RBM25: variants seen among roughly 807,000 people sequenced by gnomAD.
RBM25 encodes RNA binding motif protein 25.
RBM25 carries 19 observed loss-of-function variants against 120.7 expected under a neutral mutation model. The observed-to-expected ratio is 0.16, with a 90% CI of 0.11 to 0.23. The LOEUF is 0.23. Among genes scored for constraint, RBM25 ranks in the 10% least tolerant of loss-of-function variants. The pLI is 1.00. For synonymous variants in RBM25, 390 were observed against 326.7 expected (o/e 1.19, Z -2.09); for missense variants, 605 against 1,041.5 (o/e 0.58, Z 5.77).
intron 1 of RBM25, among the ~76,000 whole-genome samples, chr14:73,067,183 C>T (rs1014822062): frequency 6.6e-6 from 1 of 151,482 alleles, no homozygotes; most frequent in African/African-American, 2.4e-5. Context: ...GATTCTCCTG[C>T]CTCAGCCTCC....
intron 4 of RBM25, among the ~76,000 whole-genome samples, chr14:73,078,883 C>T (rs1233483690): frequency 1.3e-5 from 2 of 152,122 alleles, no homozygotes; most frequent in African/African-American, 2.4e-5. Flanking sequence ...AGATTACACG[C>T]GTGGGCCACC....
intron 1 of RBM25, among the ~76,000 whole-genome samples, chr14:73,068,789 T>C (rs1419664032): frequency 3.9e-5 from 6 of 152,210 alleles, no homozygotes; most frequent in Admixed American, 3.3e-4. Context: ...CTGGCCAGGA[T>C]GGTCTCAATC....
At position 73,080,959 on chromosome 14, in the gene RBM25, G is replaced by A. The variant is rs190341736; in HGVS notation, c.325-2535G>A. ...CCTGCCTTAGCCTCCCGAGTAGCTGGGATTATGGATGCCTGCTACCACACC... is the reference window on the plus strand; with the variant it reads ...CCTGCCTTAGCCTCCCGAGTAGCTGAGATTATGGATGCCTGCTACCACACC... On this transcript the variant is annotated intron_variant, in intron 4 of 18. Coordinates refer to ENST00000261973, the MANE Select transcript of RBM25 (RefSeq NM_021239.3). 9.3e-4 allele frequency among the ~76,000 whole-genome samples: 141 copies of A among 150,922 alleles called. 1 individual carries two copies. The highest frequency in any genetic ancestry group is 1.1e-3 in the African/African-American group (44 of 41,096).
chr14:73,075,139 G>A (rs1895385158), intron 2 of RBM25, among the ~76,000 whole-genome samples: 1 of 151,870 alleles, frequency 6.6e-6, no homozygotes, highest in Non-Finnish European at 1.5e-5. Flanking sequence ...CAGAATAGCT[G>A]TAACTACAAG....
At chr14:73,063,616 C>T (rs529886920) in intron 1 of RBM25, among the ~76,000 whole-genome samples, 6 of 151,524 alleles carry the variant, frequency 4.0e-5, no homozygotes, top group African/African-American at 1.4e-4. Context: ...ATCCTATTGG[C>T]TGCCTTCAAA....
chr14:73,104,439 G>T lies in RBM25; in HGVS notation c.1154+961G>T, dbSNP rs149684096. ...GTTGGAGTGCAGTGGTACAGTGTTG[G>T]CTCATTGCAACCTTTGCCTCCCAGG... is the stretch of plus-strand genomic sequence containing the variant. On this transcript the variant is annotated intron_variant, in intron 10 of 18. Transcript: ENST00000261973. Among the ~76,000 whole-genome samples, 141 of 151,358 alleles carry T rather than the reference G, an allele frequency of 9.3e-4. 1 individual carries two copies. Among genetic ancestry groups the T allele is most frequent in the African/African-American group, 1.1e-3 (44 of 41,228 alleles).
intron 1 of RBM25, among the ~76,000 whole-genome samples, chr14:73,060,967 A>G (rs2140417351): frequency 6.7e-6 from 1 of 150,260 alleles, no homozygotes; most frequent in African/African-American, 2.4e-5. Context: ...CAACAGTACG[A>G]CAATCAAAAT....
chr14:73,078,572 A>C (rs570856280), intron 4 of RBM25, among the ~76,000 whole-genome samples: 1 of 152,282 alleles, frequency 6.6e-6, no homozygotes, highest in South Asian at 2.1e-4. Context: ...CCATAATATT[A>C]ATAGTTGTTT....
intron 2 of RBM25, among the ~76,000 whole-genome samples, chr14:73,075,897 G>T (rs1437279285): frequency 6.7e-6 from 1 of 149,466 alleles, no homozygotes; most frequent in Non-Finnish European, 1.5e-5. Flanking sequence ...CCTCCTGCCT[G>T]TGCCTCCCTA....
At chr14:73,101,053 A>G (rs1896046006) in intron 9 of RBM25, 1 of 152,182 alleles carries the variant, frequency 6.6e-6, no homozygotes, top group Non-Finnish European at 1.5e-5. Flanking sequence ...GAAAAATTCA[A>G]AAATATATTT....
intron 1 of RBM25, among the ~76,000 whole-genome samples, chr14:73,061,052 A>G (rs1026870471): frequency 6.7e-6 from 1 of 149,492 alleles, no homozygotes; most frequent in Non-Finnish European, 1.5e-5. Context: ...GAGTTGGTGT[A>G]CTTTTTTTTT....
At chr14:73,111,421 C>T (rs1012728767) in intron 15 of RBM25, 107 bp from the exon 16 acceptor site, 1 of 1,269,014 alleles carries the variant, frequency 7.9e-7, no homozygotes, top group Admixed American at 2.4e-5. Context: ...GGATCTTTCT[C>T]TAAGATTTGT....
At chr14:73,109,974 T>C (rs958624795) in intron 14 of RBM25, among the ~76,000 whole-genome samples, 3 of 151,882 alleles carry the variant, frequency 2.0e-5, no homozygotes, top group Non-Finnish European at 4.4e-5. Flanking sequence ...AGCCTCCACT[T>C]CCCAGGCTCC....
rs2140452208 is a variant in RBM25, at chr14:73,099,451, G to T, written c.783+18G>T. The T allele has an allele frequency of 1.9e-6, 3 of 1,607,128 alleles. No homozygotes were observed. Among genetic ancestry groups the T allele is most frequent in the Non-Finnish European group, 2.5e-6 (3 of 1,176,614 alleles). ...TCACTAAGGTTAGTTTAAATTGTAG[G>T]CTTTGACAATACCTGTGTTTACTGC... On this transcript the variant is annotated intron_variant, in intron 8 of 18. Transcript: ENST00000261973.
At chr14:73,095,449 C>CA (rs1895921350) in intron 6 of RBM25, among the ~76,000 whole-genome samples, 1 of 151,148 alleles carries the variant, frequency 6.6e-6, no homozygotes, top group South Asian at 2.1e-4. Context: ...ACTAAAAATA[C>CA]AAAAAAATTA....
rs1478107635 is a variant in RBM25, at chr14:73,121,603, C to T, written c.*1798C>T. 2 of 152,088 alleles carry T rather than the reference C, an allele frequency of 1.3e-5. No homozygotes were observed. The highest frequency in any genetic ancestry group is 2.9e-5 in the Non-Finnish European group (2 of 68,018). 9.4% of individuals were successfully genotyped at this position (152,088 alleles called of 1,614,324 possible). A position where few individuals can be genotyped will look rare whatever the true frequency, so the allele number is the denominator to read the frequency against. ...TTTTTCAGTCTTTTCTTAGACACAC[C>T]CCCAGCCTAAGACCTTGTTCGAGGA... On this transcript the variant is annotated 3_prime_UTR_variant, in exon 19 of 19. Coordinates refer to ENST00000261973, the MANE Select transcript of RBM25 (RefSeq NM_021239.3).
chr14:73,119,698 T>C lies in RBM25; in HGVS notation c.2440-15T>C, dbSNP rs1896506830. ...TGCTTCTCTTACATGTGTTGCTGTT[T>C]TGTTTCCTCTTTAGGTACTTGATGA... On this transcript the variant is annotated splice_polypyrimidine_tract_variant and intron_variant, in intron 18 of 18. Transcript: ENST00000261973. 1 of 1,610,682 alleles carries C rather than the reference T, an allele frequency of 6.2e-7. No homozygotes were observed. Among genetic ancestry groups the C allele is most frequent in the African/African-American group, 1.3e-5 (1 of 74,738 alleles).
intron 17 of RBM25, among the ~76,000 whole-genome samples, chr14:73,112,621 A>AT (rs1896334733): frequency 6.6e-6 from 1 of 151,882 alleles, no homozygotes; most frequent in Non-Finnish European, 1.5e-5. Context: ...TTATGTTGAG[A>AT]TTTTTTGGAC....
chr14:73,079,053 C>G lies in RBM25; in HGVS notation c.324+1517C>G, dbSNP rs767764642. On this transcript the variant is annotated intron_variant, in intron 4 of 18. Transcript: ENST00000261973. ...TTTAAATTTGGTAAGCTTGTTGATT[C>G]ACTTTTTTTACCTTTTTAAGATTTT... is the stretch of plus-strand genomic sequence containing the variant. Among the ~76,000 whole-genome samples the G allele has an allele frequency of 5.3e-5, 8 of 151,274 alleles. 1 individual carries two copies. The highest frequency in any genetic ancestry group is 1.2e-4 in the Non-Finnish European group (8 of 67,426).
Sources: allele counts gnomAD v4.1 joint callset (sites outside exome capture counted in the v4.1 genomes callset), GRCh38; gene constraint gnomAD v4.1.1; transcripts MANE v1.5; gene names NCBI Gene and HGNC (gene_info 2026-07-23, HGNC 2026-07-21).